HTR3B: variants seen among roughly 807,000 people sequenced by gnomAD.
HTR3B encodes the protein 5-hydroxytryptamine receptor 3B.
A neutral mutation model predicts 42.8 loss-of-function variants in HTR3B; 44 were observed. That is an observed-to-expected ratio of 1.03 (90% CI 0.81 to 1.32). The LOEUF is 1.32. HTR3B is among the 40% of genes most tolerant of loss of function. The pLI is 0.00. For missense variants in HTR3B, 527 were observed against 536.5 expected, an observed-to-expected ratio of 0.98 and a Z score of 0.17; for synonymous variants, 203 against 209.0, an observed-to-expected ratio of 0.97 and a Z score of 0.25.
rs1949759292 is a variant in HTR3B, at chr11:113,909,277, T to C, written c.53-18T>C. 3 of 1,603,736 alleles carry C rather than the reference T, an allele frequency of 1.9e-6. No homozygotes were observed. The highest frequency in any genetic ancestry group is 1.7e-5 in the Admixed American group (1 of 59,990). Reference sequence around the variant, plus strand: ...GCTCCTCTTACTTTTATCTTCACAATGATAGTTTATTTTCCAGGAATTCTA... The same window carrying C: ...GCTCCTCTTACTTTTATCTTCACAACGATAGTTTATTTTCCAGGAATTCTA... On this transcript the variant is annotated intron_variant, in intron 1 of 8. Transcript: ENST00000260191.
chr11:113,913,378 T>TTTTTTTTTTTC, intron 2 of HTR3B, among the ~76,000 whole-genome samples: 1 of 135,236 alleles, frequency 7.4e-6, no homozygotes, highest in African/African-American at 2.8e-5. Context: ...TTTTTTTTTT[T>TTTTTTTTTTTC]TTTTGTATTT....
chr11:113,941,760 C>T (rs1950136939), intron 6 of HTR3B, among the ~76,000 whole-genome samples: 1 of 152,114 alleles, frequency 6.6e-6, no homozygotes, highest in Non-Finnish European at 1.5e-5. Flanking sequence ...GAGTCAACAC[C>T]AGGCAGGCTA....
At chr11:113,905,947 G>T (rs748414138) in intron 1 of HTR3B, among the ~76,000 whole-genome samples, 2 of 152,130 alleles carry the variant, frequency 1.3e-5, no homozygotes, top group Admixed American at 6.5e-5. Flanking sequence ...TATCTTAATT[G>T]TAAAAAATAA....
At position 113,943,108 on chromosome 11, in the gene HTR3B, AC is replaced by A. The variant is rs1457057853; in HGVS notation, c.825del (p.Ser276ValfsTer21). 6.2e-7 allele frequency: 1 copy of A among 1,613,894 alleles called. No individual in the cohort carries two copies. Among genetic ancestry groups the A allele is most frequent in the Admixed American group, 1.7e-5 (1 of 59,974 alleles). ...PNCRARIVFK[T>X]SVLVGYTVFR... is the part of the protein sequence containing the mutation. ...CTGCCGAGCCAGGATTGTGTTCAAG[AC>A]CAGTGTGCTGGTGGGCTACACCGTC... On this transcript the variant is annotated frameshift_variant, in exon 7 of 9. Coordinates refer to ENST00000260191, the MANE Select transcript of HTR3B (RefSeq NM_006028.5). LOFTEE classifies it high-confidence loss of function.
chr11:113,944,897 TA>T, intron 8 of HTR3B, 142 bp downstream of exon 8: 1 of 679,176 alleles, frequency 1.5e-6, no homozygotes, highest in Non-Finnish European at 2.4e-6. Flanking sequence ...TGGCATTTTA[TA>T]TTATCTCTCT....
At chr11:113,931,253 A>G in intron 2 of HTR3B, 131 bp from the exon 3 acceptor site, 3 of 690,302 alleles carry the variant, frequency 4.3e-6, no homozygotes, top group Non-Finnish European at 5.1e-6. Context: ...TGAAGAGTCT[A>G]GGTAATGTTT....
Position 113,905,082 on chromosome 11 carries a change from T to A in HTR3B, c.52+97T>A, listed in dbSNP as rs951614442. ...ACCGTACTGTAGGACTTCTCAGGCA[T>A]GTTTGTTTTTATTCATCGTCTGTAA... is the stretch of plus-strand genomic sequence containing the variant. On this transcript the variant is annotated intron_variant, in intron 1 of 8. Coordinates refer to ENST00000260191, the MANE Select transcript of HTR3B (RefSeq NM_006028.5). 28 of 819,486 alleles carry A rather than the reference T, an allele frequency of 3.4e-5. No individual in the cohort carries two copies. In the South Asian group the frequency reaches 4.1e-4, roughly 12 times the overall value. The allele number at this position is 819,486 out of a possible 1,614,324, so 50.8% of individuals were successfully genotyped here.
intron 7 of HTR3B, among the ~76,000 whole-genome samples, chr11:113,943,491 A>C (rs1334577301): frequency 1.3e-5 from 2 of 151,810 alleles, no homozygotes; most frequent in Non-Finnish European, 2.9e-5. Context: ...ACACCACTAC[A>C]CCTGGCTAAT....
At position 113,932,287 on chromosome 11, in the gene HTR3B, A is replaced by G; in HGVS notation, c.369-2A>G. The G allele has an allele frequency of 6.2e-7, 1 of 1,609,054 alleles. No individual in the cohort carries two copies. The highest frequency in any genetic ancestry group is 2.2e-5 in the East Asian group (1 of 44,850). ...CAACAAGTTCTCTTGTGTTTCATATAGTGTGGACATTGAAAGATACCCTGA... is the reference window on the plus strand; with the variant it reads ...CAACAAGTTCTCTTGTGTTTCATATGGTGTGGACATTGAAAGATACCCTGA... On this transcript the variant is annotated splice_acceptor_variant, in intron 4 of 8. Coordinates refer to ENST00000260191, the MANE Select transcript of HTR3B (RefSeq NM_006028.5). LOFTEE classifies it high-confidence loss of function.
At chr11:113,934,754 G>A (rs1055560969) in intron 6 of HTR3B, among the ~76,000 whole-genome samples, 16 of 69,404 alleles carry the variant, frequency 2.3e-4, no homozygotes, top group East Asian at 4.4e-4. Flanking sequence ...AGGAAAGCAA[G>A]CAAGCTTTTT....
chr11:113,913,519 A>G (rs777741069), intron 2 of HTR3B, among the ~76,000 whole-genome samples: 1 of 143,146 alleles, frequency 7.0e-6, no homozygotes, highest in Non-Finnish European at 1.5e-5. Flanking sequence ...CCTTTTTAAA[A>G]AAAATTTTAT....
At chr11:113,917,309 T>C (rs1366023666) in intron 2 of HTR3B, among the ~76,000 whole-genome samples, 2 of 152,066 alleles carry the variant, frequency 1.3e-5, no homozygotes, top group African/African-American at 4.8e-5. Context: ...ATTTTTCTAC[T>C]TTTATTAGAG....
At chr11:113,918,368 A>G (rs1278479095) in intron 2 of HTR3B, among the ~76,000 whole-genome samples, 1 of 151,762 alleles carries the variant, frequency 6.6e-6, no homozygotes, top group Non-Finnish European at 1.5e-5. Context: ...TAATTGTATC[A>G]ACACCACAGG....
chr11:113,916,594 T>C (rs1949856713), intron 2 of HTR3B, among the ~76,000 whole-genome samples: 1 of 152,238 alleles, frequency 6.6e-6, no homozygotes, highest in African/African-American at 2.4e-5. Context: ...TAAAAACTTC[T>C]GGAATTTTGA....
At position 113,944,594 on chromosome 11, in the gene HTR3B, T is replaced by A; in HGVS notation, c.929T>A (p.Met310Lys). 6.2e-7 allele frequency: 1 copy of A among 1,614,172 alleles called. No homozygotes were observed. Reference sequence around the variant, plus strand: ...TCAGGGCACTTCTTCACCATCTGCATGGCCTTCTTGGTTCTCAGCTTAGCT... The same window carrying A: ...TCAGGGCACTTCTTCACCATCTGCAAGGCCTTCTTGGTTCTCAGCTTAGCT... ...PLIGHFFTIC[M>K]AFLVLSLAKS... Residue 310 changes from methionine (M) to lysine (K), a missense_variant, in exon 8 of 9, where the codon ATG becomes AAG. Coordinates refer to ENST00000260191, the MANE Select transcript of HTR3B (RefSeq NM_006028.5).
In HTR3B at chr11:113,932,998, T is replaced by A. The variant is rs1591582522; in HGVS notation, c.601T>A (p.Phe201Ile). The A allele has an allele frequency of 6.2e-7, 1 of 1,613,958 alleles. No homozygotes were observed. Among genetic ancestry groups the A allele is most frequent in the Non-Finnish European group, 8.5e-7 (1 of 1,179,944 alleles). ...AGACATTCAGCATGACAAAAAGGCG[T>A]TTTTGAATGACAGTGAGTGGGAACT... Reference protein sequence around the residue: ...PEDIQHDKKAFLNDSEWELLS... With the variant: ...PEDIQHDKKAILNDSEWELLS... Residue 201 changes from phenylalanine to isoleucine, a missense_variant, in exon 6 of 9, where the codon TTT (phenylalanine) becomes ATT (isoleucine). Physicochemically the swap from Phe to Ile is conservative, Grantham distance 21. Coordinates refer to ENST00000260191, the MANE Select transcript of HTR3B (RefSeq NM_006028.5).
intron 2 of HTR3B, among the ~76,000 whole-genome samples, chr11:113,924,054 C>T (rs186712666): frequency 6.6e-6 from 1 of 152,304 alleles, no homozygotes; most frequent in East Asian, 1.9e-4. Context: ...AGAGACCTTC[C>T]TCCCAGCCAT....
chr11:113,945,669 G>T (rs1431665088), intron 8 of HTR3B, among the ~76,000 whole-genome samples: 4 of 152,172 alleles, frequency 2.6e-5, no homozygotes, highest in Non-Finnish European at 1.5e-5. Flanking sequence ...GACGGATCTA[G>T]CACACATACA....
At chr11:113,940,742 AAGGTGATGTTTCATCTCCCCC>A (rs1400343929) in intron 6 of HTR3B, among the ~76,000 whole-genome samples, 1 of 152,182 alleles carries the variant, frequency 6.6e-6, no homozygotes, top group African/African-American at 2.4e-5. Flanking sequence ...TCTTATCAGC[AAGGTGATGTTTCATCTCCCCC>A]AGCCAAGCTC....
Sources: gnomAD v4.1 joint callset for allele counts (sites outside exome capture counted in the v4.1 genomes callset) on GRCh38, gnomAD v4.1.1 for gene constraint, MANE v1.5 for transcripts, NCBI Gene and HGNC (gene_info 2026-07-23, HGNC 2026-07-21) for gene names.